GSG1L: variants seen among roughly 807,000 people sequenced by gnomAD.
GSG1L encodes GSG1 like, also known as germ cell-specific gene 1-like protein.
In GSG1L, 24 loss-of-function variants were observed where a neutral mutation model predicts 42.1. That is an observed-to-expected ratio of 0.57 (90% CI 0.41 to 0.80). The LOEUF (loss-of-function observed/expected upper bound fraction) is 0.80. Ranked by LOEUF, GSG1L falls within the 30% of genes least tolerant of loss-of-function variation. The pLI is 0.00. For missense variants in GSG1L, 445 were observed against 472.2 expected, an observed-to-expected ratio of 0.94 and a Z score of 0.53; for synonymous variants, 215 against 203.5, an observed-to-expected ratio of 1.06 and a Z score of -0.48.
chr16:27,922,936 C>T (rs1404574706), intron 2 of GSG1L, among the ~76,000 whole-genome samples: 3 of 152,094 alleles, frequency 2.0e-5, no homozygotes, highest in East Asian at 1.9e-4. Context: ...CACAGGCACC[C>T]GCCACCATGC....
intron 2 of GSG1L, among the ~76,000 whole-genome samples, chr16:27,962,561 G>A (rs1416366196): frequency 6.6e-6 from 1 of 152,158 alleles, no homozygotes; most frequent in Non-Finnish European, 1.5e-5. Context: ...GTTCCTTAGG[G>A]TCACTATTAC....
chr16:28,012,964 C>T lies in GSG1L; in HGVS notation c.350-49761G>A, dbSNP rs145376480. On this transcript the variant is annotated intron_variant, in intron 1 of 6. Coordinates refer to ENST00000447459, the MANE Select transcript of GSG1L (RefSeq NM_001109763.2). ...AAGTGCCCAGGTGCAGTGGCTCACA[C>T]CTGTAATCCCATCACTTTGGGAGGC... Among the ~76,000 whole-genome samples the T allele has an allele frequency of 3.0e-3, 457 of 150,634 alleles. 1 individual carries two copies. Among genetic ancestry groups the T allele is most frequent in the Middle Eastern group, 6.9e-3 (2 of 288 alleles).
At chr16:28,005,915 T>C (rs1205465373) in intron 1 of GSG1L, among the ~76,000 whole-genome samples, 1 of 152,246 alleles carries the variant, frequency 6.6e-6, no homozygotes, top group Non-Finnish European at 1.5e-5. Context: ...CAGAAGGGAC[T>C]TTGCAGGTGT....
At chr16:27,963,581 T>G (rs2085095013) in intron 1 of GSG1L, among the ~76,000 whole-genome samples, 1 of 152,086 alleles carries the variant, frequency 6.6e-6, no homozygotes, top group Non-Finnish European at 1.5e-5. Flanking sequence ...ACAGCTCTGA[T>G]CACATCCAAC....
At chr16:28,037,978 T>C (rs2086059553) in intron 1 of GSG1L, among the ~76,000 whole-genome samples, 1 of 152,162 alleles carries the variant, frequency 6.6e-6, no homozygotes, top group Admixed American at 6.5e-5. Flanking sequence ...TTAAATGTAA[T>C]CTCATCAGCA....
At chr16:28,035,490 A>C (rs2141179868) in intron 1 of GSG1L, among the ~76,000 whole-genome samples, 1 of 152,266 alleles carries the variant, frequency 6.6e-6, no homozygotes, top group Non-Finnish European at 1.5e-5. Context: ...GACCCAACTG[A>C]TTTTATAGCA....
At position 27,865,566 on chromosome 16, in the gene GSG1L, T is replaced by TACAC. The variant is rs1371145277; in HGVS notation, c.550+18919_550+18920insGTGT. Among the ~76,000 whole-genome samples, 144 of 19,146 alleles carry TACAC rather than the reference T, an allele frequency of 7.5e-3. 6 individuals carry two copies. Among genetic ancestry groups the TACAC allele is most frequent in the African/African-American group, 0.059 (134 of 2,288 alleles). The allele number at this position is 19,146 out of a possible 152,430, so 12.6% of individuals were successfully genotyped here. A position where few individuals can be genotyped will look rare whatever the true frequency, so the allele number is the denominator to read the frequency against. On this transcript the variant is annotated intron_variant, in intron 3 of 6. Coordinates refer to ENST00000447459, the MANE Select transcript of GSG1L (RefSeq NM_001109763.2). Reference sequence around the variant, plus strand: ...ATATATATATATATATATATATATATATATATACACACACACATACATACA... The same window carrying TACAC: ...ATATATATATATATATATATATATATACACATATATACACACACACATACATACA...
At chr16:28,012,312 A>G (rs2141157155) in intron 1 of GSG1L, among the ~76,000 whole-genome samples, 1 of 152,262 alleles carries the variant, frequency 6.6e-6, no homozygotes, top group Non-Finnish European at 1.5e-5. Flanking sequence ...TAATTGCATT[A>G]GCCTGTGAAA....
intron 2 of GSG1L, among the ~76,000 whole-genome samples, chr16:27,891,884 CTTTTTTTTT>C (rs60746199): frequency 0.031 from 2,318 of 74,358 alleles, 84 homozygotes; most frequent in African/African-American, 0.092. Flanking sequence ...AGTGACAGAT[CTTTTTTTTT>C]TTTTTTTTTT....
intron 1 of GSG1L, among the ~76,000 whole-genome samples, chr16:28,047,697 T>C (rs2086178122): frequency 6.6e-6 from 1 of 152,186 alleles, no homozygotes; most frequent in African/African-American, 2.4e-5. Context: ...AAGCATTCAC[T>C]GGGGGAAAAT....
intron 2 of GSG1L, among the ~76,000 whole-genome samples, chr16:27,935,879 C>A (rs954196129): frequency 1.4e-5 from 2 of 146,674 alleles, no homozygotes; most frequent in Non-Finnish European, 3.0e-5. Context: ...CCTTTTCCTA[C>A]CTTCACTGCT....
At chr16:27,857,726 C>T (rs2083597414) in intron 3 of GSG1L, among the ~76,000 whole-genome samples, 1 of 152,120 alleles carries the variant, frequency 6.6e-6, no homozygotes, top group Non-Finnish European at 1.5e-5. Context: ...CTCCATCTCT[C>T]TCTCATTTTT....
At chr16:27,895,632 A>C (rs2084182656) in intron 2 of GSG1L, among the ~76,000 whole-genome samples, 1 of 152,216 alleles carries the variant, frequency 6.6e-6, no homozygotes, top group South Asian at 2.1e-4. Context: ...TGACTTTCTA[A>C]GCCAAGGGCA....
intron 1 of GSG1L, among the ~76,000 whole-genome samples, chr16:28,028,439 C>T (rs920263145): frequency 2.9e-4 from 44 of 152,002 alleles, no homozygotes; most frequent in African/African-American, 8.2e-4. Context: ...CTACGATTCC[C>T]GAGTGTAAAC....
chr16:28,039,212 G>A (rs917069091), intron 1 of GSG1L, among the ~76,000 whole-genome samples: 45 of 152,162 alleles, frequency 3.0e-4, no homozygotes, highest in African/African-American at 1.1e-3. Context: ...TAAGGATGTC[G>A]ACCATGGGGA....
At chr16:27,934,794 C>T (rs1377259392) in intron 2 of GSG1L, among the ~76,000 whole-genome samples, 2 of 152,108 alleles carry the variant, frequency 1.3e-5, no homozygotes, top group Non-Finnish European at 2.9e-5. Context: ...ACCAAAGTGG[C>T]ACCTATTTCC....
intron 2 of GSG1L, among the ~76,000 whole-genome samples, chr16:27,895,943 A>C (rs2084187206): frequency 6.6e-6 from 1 of 152,190 alleles, no homozygotes. Flanking sequence ...TTTTCTGCAT[A>C]ACCATCTTGT....
intron 2 of GSG1L, among the ~76,000 whole-genome samples, chr16:27,924,707 A>G (rs949803422): frequency 6.6e-6 from 1 of 152,218 alleles, no homozygotes; most frequent in Non-Finnish European, 1.5e-5. Context: ...ACACAAAAGA[A>G]AACTTAGAAG....
intron 3 of GSG1L, among the ~76,000 whole-genome samples, chr16:27,866,590 G>T (rs993110239): frequency 6.6e-6 from 1 of 151,654 alleles, no homozygotes; most frequent in Non-Finnish European, 1.5e-5. Flanking sequence ...TAATTTTTTC[G>T]AGACAGAGTC....
Sources: gnomAD v4.1 joint callset for allele counts (sites outside exome capture counted in the v4.1 genomes callset) on GRCh38, gnomAD v4.1.1 for gene constraint, MANE v1.5 for transcripts, NCBI Gene and HGNC (gene_info 2026-07-23, HGNC 2026-07-21) for gene names.